The following ADAMTS18 variants were observed in gnomAD, a reference collection of about 807,000 sequenced individuals.
ADAMTS18 encodes the protein A disintegrin and metalloproteinase with thrombospondin motifs 18.
ADAMTS18 carries 157 observed loss-of-function variants against 165.9 expected under a neutral mutation model. That is an observed-to-expected ratio of 0.95 (90% CI 0.83 to 1.08). ADAMTS18 has a LOEUF of 1.08. ADAMTS18 is among the 50% of genes least tolerant of loss of function. ADAMTS18 has a pLI of 0.00. For synonymous variants in ADAMTS18, 782 were observed against 578.2 expected, an observed-to-expected ratio of 1.35 and a Z score of -5.06; for missense variants, 2,040 against 1,534.0, an observed-to-expected ratio of 1.33 and a Z score of -5.51.
At chr16:77,290,310 C>T (rs1567454621) in intron 21 of ADAMTS18, among the ~76,000 whole-genome samples, 1 of 152,258 alleles carries the variant, frequency 6.6e-6, no homozygotes, top group East Asian at 1.9e-4. Flanking sequence ...ATATATTAAG[C>T]AAATGAACAT....
chr16:77,352,144 T>C (rs2056565235), intron 10 of ADAMTS18, among the ~76,000 whole-genome samples: 1 of 152,176 alleles, frequency 6.6e-6, no homozygotes, highest in Non-Finnish European at 1.5e-5. Context: ...TTTTTAATAG[T>C]TATGCATTGA....
intron 4 of ADAMTS18, 114 bp downstream of exon 4, chr16:77,367,327 C>CAGAT: frequency 8.6e-7 from 1 of 1,162,608 alleles, no homozygotes; most frequent in South Asian, 1.3e-5. Context: ...TACACCAAGA[C>CAGAT]AGATGCTCAG....
At chr16:77,385,765 T>A (rs1354662396) in intron 3 of ADAMTS18, among the ~76,000 whole-genome samples, 2 of 152,160 alleles carry the variant, frequency 1.3e-5, no homozygotes, top group East Asian at 3.9e-4. Context: ...AGGGGTGGGG[T>A]GGAAGAGCCA....
At chr16:77,326,114 G>A (rs970128338) in intron 12 of ADAMTS18, 76 bp from the exon 13 acceptor site, 2 of 1,453,682 alleles carry the variant, frequency 1.4e-6, no homozygotes, top group African/African-American at 2.8e-5. Context: ...AATATGAAGA[G>A]AGGCAATGAA....
chr16:77,351,474 A>C (rs1018971310), intron 10 of ADAMTS18, among the ~76,000 whole-genome samples: 1 of 152,198 alleles, frequency 6.6e-6, no homozygotes, highest in African/African-American at 2.4e-5. Context: ...CAGGTACCCC[A>C]CAAATACATG....
In ADAMTS18 at chr16:77,304,916, TCTTAA is replaced by T. The variant is rs199592471; in HGVS notation, c.2533-4517_2533-4513del. ...TTCAATGAATACATAAATGAAGGCC[TCTTAA>T]CTTTACAAAAATCAAATGACTCAAG... On this transcript the variant is annotated intron_variant, in intron 16 of 22. Coordinates refer to ENST00000282849, the MANE Select transcript of ADAMTS18 (RefSeq NM_199355.4). 5.3e-3 allele frequency among the ~76,000 whole-genome samples: 808 copies of T among 152,340 alleles called. 9 individuals are homozygous for T. The highest frequency in any genetic ancestry group is 9.6e-3 in the Non-Finnish European group (651 of 68,038).
chr16:77,350,291 G>T (rs1000673562), intron 10 of ADAMTS18, among the ~76,000 whole-genome samples: 3 of 152,166 alleles, frequency 2.0e-5, no homozygotes, highest in African/African-American at 7.2e-5. Context: ...ACTCGTGGTT[G>T]GGAAAGGAGG....
At chr16:77,318,012 C>T (rs2055918800) in intron 16 of ADAMTS18, among the ~76,000 whole-genome samples, 1 of 152,138 alleles carries the variant, frequency 6.6e-6, no homozygotes, top group South Asian at 2.1e-4. Flanking sequence ...TCGCTTTCCT[C>T]AGCACCAAGA....
intron 3 of ADAMTS18, among the ~76,000 whole-genome samples, chr16:77,419,652 A>G (rs2144845540): frequency 6.6e-6 from 1 of 152,256 alleles, no homozygotes; most frequent in East Asian, 1.9e-4. Context: ...TCCCAGAAAT[A>G]GACTGAATAC....
intron 16 of ADAMTS18, among the ~76,000 whole-genome samples, chr16:77,300,679 C>T (rs2055565660): frequency 1.3e-5 from 2 of 152,050 alleles, no homozygotes; most frequent in Admixed American, 6.6e-5. Context: ...TACACAAACA[C>T]ATACATACAC....
intron 3 of ADAMTS18, among the ~76,000 whole-genome samples, chr16:77,398,329 AAC>A (rs2057284917): frequency 6.6e-6 from 1 of 151,872 alleles, no homozygotes; most frequent in African/African-American, 2.4e-5. Context: ...AAACAACAAC[AAC>A]AACAACAACA....
At position 77,434,804 on chromosome 16, in the gene ADAMTS18, C is replaced by G. The variant is rs2057777894; in HGVS notation, c.-109G>C. 5 of 959,318 alleles carry G rather than the reference C, an allele frequency of 5.2e-6. No homozygotes were observed. The highest frequency in any genetic ancestry group is 6.9e-6 in the Non-Finnish European group (5 of 724,572). The allele number at this position is 959,318 out of a possible 1,614,324, so 59.4% of individuals were successfully genotyped here. A position where few individuals can be genotyped will look rare whatever the true frequency, so the allele number is the denominator to read the frequency against. ...GGAGCTCGGCGCCCCAGGTGCGGCT[C>G]CAGGTGAGAGCCGCCGCCGTTCACA... On this transcript the variant is annotated 5_prime_UTR_variant, in exon 1 of 23. Coordinates refer to ENST00000282849, the MANE Select transcript of ADAMTS18 (RefSeq NM_199355.4).
chr16:77,286,142 A>G (rs1305188553), intron 22 of ADAMTS18, among the ~76,000 whole-genome samples: 1 of 152,092 alleles, frequency 6.6e-6, no homozygotes, highest in Non-Finnish European at 1.5e-5. Flanking sequence ...CCTCAATTAG[A>G]TTAGTATATT....
rs537301018 is a variant in ADAMTS18, at chr16:77,415,216, C to T, written c.495+16079G>A. 9.2e-5 allele frequency among the ~76,000 whole-genome samples: 14 copies of T among 152,340 alleles called. No individual in the cohort carries two copies. In the East Asian group the frequency reaches 2.1e-3, roughly 23 times the overall value. On this transcript the variant is annotated intron_variant, in intron 3 of 22. Transcript: ENST00000282849. ...CCTGTCAGCCAGTATATGCTCAATG[C>T]GCTTATTGCACTATGCTTGCCTGCT...
intron 3 of ADAMTS18, among the ~76,000 whole-genome samples, chr16:77,419,120 G>A (rs1192855758): frequency 6.6e-6 from 1 of 151,824 alleles, no homozygotes; most frequent in Non-Finnish European, 1.5e-5. Flanking sequence ...CTGCACTCCA[G>A]CCTGGATGAC....
intron 9 of ADAMTS18, among the ~76,000 whole-genome samples, chr16:77,354,461 A>G (rs191932653): frequency 5.9e-4 from 90 of 152,282 alleles, no homozygotes; most frequent in Non-Finnish European, 5.4e-4. Context: ...TCCTTCAGAT[A>G]TGTTTGACTG....
intron 3 of ADAMTS18, among the ~76,000 whole-genome samples, chr16:77,419,162 A>G (rs919810088): frequency 6.6e-6 from 1 of 151,446 alleles, no homozygotes; most frequent in Non-Finnish European, 1.5e-5. Flanking sequence ...GGGAAAAAAA[A>G]TCAATTATTA....
At chr16:77,288,252 C>G (rs144540107) in intron 22 of ADAMTS18, among the ~76,000 whole-genome samples, 10 of 152,164 alleles carry the variant, frequency 6.6e-5, no homozygotes, top group African/African-American at 2.2e-4. Context: ...TGGTGGCCTT[C>G]TAGGCTGAAT....
intron 3 of ADAMTS18, among the ~76,000 whole-genome samples, chr16:77,378,111 C>A (rs570196541): frequency 6.6e-6 from 1 of 151,766 alleles, no homozygotes; most frequent in Non-Finnish European, 1.5e-5. Flanking sequence ...GAGGATCACT[C>A]GAGCTCAGGA....
Sources: gnomAD v4.1 joint callset for allele counts (sites outside exome capture counted in the v4.1 genomes callset) on GRCh38, gnomAD v4.1.1 for gene constraint, MANE v1.5 for transcripts, NCBI Gene and HGNC (gene_info 2026-07-23, HGNC 2026-07-21) for gene names.